The following LRRFIP1 variants were observed in gnomAD, a reference collection of about 807,000 sequenced individuals.
LRRFIP1 encodes leucine-rich repeat flightless-interacting protein 1.
A neutral mutation model predicts 104.4 loss-of-function variants in LRRFIP1; 62 were observed. The ratio of observed to expected loss-of-function variants is 0.59; its 90% CI spans 0.48 to 0.73. The LOEUF is 0.73. Ranked by LOEUF, LRRFIP1 falls within the 30% of genes least tolerant of loss-of-function variation. The pLI, the probability that LRRFIP1 is intolerant of heterozygous loss-of-function variation, is 0.00. For missense variants in LRRFIP1, 796 were observed against 824.5 expected (o/e 0.97, Z 0.42); for synonymous variants, 300 against 299.0 (o/e 1.00, Z -0.03).
chr2:237,774,333 A>T, intron 22 of LRRFIP1, 25 bp from the exon 23 acceptor site: 6 of 1,394,102 alleles, frequency 4.3e-6, no homozygotes, highest in Non-Finnish European at 6.1e-6. Flanking sequence ...CAATTTATAC[A>T]TATGGTTTTT....
chr2:237,740,219 A>G (rs2095372398), intron 11 of LRRFIP1, among the ~76,000 whole-genome samples: 1 of 151,706 alleles, frequency 6.6e-6, no homozygotes, highest in African/African-American at 2.4e-5. Context: ...CAGTTTGGCC[A>G]ACATAGCAAG....
intron 7 of LRRFIP1, among the ~76,000 whole-genome samples, chr2:237,727,346 ACT>A (rs1367825967): frequency 7.0e-6 from 1 of 142,350 alleles, no homozygotes; most frequent in Non-Finnish European, 1.5e-5. Context: ...ACAGAGCGAG[ACT>A]CTGTCTCAAA....
At chr2:237,764,235 TAG>T in intron 19 of LRRFIP1, 3 of 1,610,718 alleles carry the variant, frequency 1.9e-6, no homozygotes, top group East Asian at 2.2e-5. Context: ...TCTAAATTCA[TAG>T]AGAGGCACTG....
chr2:237,738,155 G>T (rs906025817), intron 10 of LRRFIP1, among the ~76,000 whole-genome samples: 1 of 152,016 alleles, frequency 6.6e-6, no homozygotes. Context: ...ATCTGGATGA[G>T]ATCATGAGCA....
chr2:237,714,168 A>G, intron 2 of LRRFIP1, 91 bp from the exon 3 acceptor site: 2 of 817,854 alleles, frequency 2.4e-6, no homozygotes, highest in South Asian at 1.7e-5. Flanking sequence ...CTTGATTCAT[A>G]TGTCTAGTTA....
chr2:237,697,122 A>G (rs1423148295), intron 1 of LRRFIP1, among the ~76,000 whole-genome samples: 1 of 152,098 alleles, frequency 6.6e-6, no homozygotes, highest in Non-Finnish European at 1.5e-5. Flanking sequence ...CCCAGGTGCA[A>G]CCGATTCTCC....
In LRRFIP1 at chr2:237,720,809, G is replaced by C; in HGVS notation, c.332G>C (p.Arg111Pro). 1 of 1,614,052 alleles carries C rather than the reference G, an allele frequency of 6.2e-7. No homozygotes were observed. The highest frequency in any genetic ancestry group is 8.5e-7 in the Non-Finnish European group (1 of 1,179,900). The change falls in exon 6 of 24, where the codon CGT becomes CCT. Residue 111 changes from arginine (R) to proline (P), a missense_variant. Transcript: ENST00000308482. ...GACGAGCGCATGTCAGTGGGTAGTC[G>C]TGGAAGCCTGAGGGTCAGTAACCAG... ...DEDERMSVGS[R>P]GSLRSQPDLE...
chr2:237,750,234 A>G (rs2058409367), intron 13 of LRRFIP1, among the ~76,000 whole-genome samples: 1 of 151,982 alleles, frequency 6.6e-6, no homozygotes, highest in African/African-American at 2.4e-5. Context: ...TTACAAAACC[A>G]GAAGAGCCAT....
intron 19 of LRRFIP1, chr2:237,769,704 G>T (rs1158863241): frequency 6.0e-6 from 3 of 501,082 alleles, no homozygotes; most frequent in Non-Finnish European, 7.2e-6. Flanking sequence ...TTAGCAGCCT[G>T]TTTGCATGCA....
intron 16 of LRRFIP1, among the ~76,000 whole-genome samples, 173 bp from the exon 17 acceptor site, chr2:237,757,283 C>T (rs1002708086): frequency 2.6e-5 from 4 of 152,086 alleles, no homozygotes; most frequent in Non-Finnish European, 5.9e-5. Flanking sequence ...TTCTTGAAGC[C>T]GGAAGTAGGA....
At position 237,717,134 on chromosome 2, in the gene LRRFIP1, C is replaced by T. The variant is rs752569764; in HGVS notation, c.202-628C>T. On this transcript the variant is annotated intron_variant, in intron 3 of 23. Coordinates refer to ENST00000308482, the MANE Select transcript of LRRFIP1 (RefSeq NM_001137550.2). The surrounding 1 kb of genome is among the most constrained non-coding windows in gnomAD (Gnocchi z 4.2). ...ATTGGACACCCCTGAGCTAATGTCA[C>T]CTCCAGACATACATAACTTGTGGGT... 6.6e-6 allele frequency among the ~76,000 whole-genome samples: 1 copy of T among 152,172 alleles called. No individual in the cohort carries two copies. The highest frequency in any genetic ancestry group is 2.4e-5 in the African/African-American group (1 of 41,428).
intron 19 of LRRFIP1, chr2:237,762,480 C>T: frequency 1.3e-6 from 1 of 789,122 alleles, no homozygotes; most frequent in Non-Finnish European, 2.0e-6. Flanking sequence ...TCTCATGACT[C>T]TTTGATGACT....
chr2:237,734,102 T>C (rs1216909690), intron 9 of LRRFIP1, among the ~76,000 whole-genome samples: 1 of 152,210 alleles, frequency 6.6e-6, no homozygotes, highest in Non-Finnish European at 1.5e-5. Context: ...AATGTTTACT[T>C]TACCTATTGG....
rs1473469338 is a variant in LRRFIP1, at chr2:237,781,142, A to G, written c.*1610A>G. Among the ~76,000 whole-genome samples the G allele has an allele frequency of 6.6e-6, 1 of 152,230 alleles. No homozygotes were observed. Among genetic ancestry groups the G allele is most frequent in the African/African-American group, 2.4e-5 (1 of 41,468 alleles). On this transcript the variant is annotated 3_prime_UTR_variant, in exon 24 of 24. Transcript: ENST00000308482. ...ATATTCAGTTCCTTGTCTCATCCTT[A>G]AGGTTTCTTCCACAACATCTGAATA...
At chr2:237,645,483 C>A (rs2084745702) in intron 1 of LRRFIP1, among the ~76,000 whole-genome samples, 1 of 152,010 alleles carries the variant, frequency 6.6e-6, no homozygotes, top group Non-Finnish European at 1.5e-5. Flanking sequence ...TCTCCTCCGA[C>A]TTGCCACCGC....
At chr2:237,702,165 T>C (rs1426852649) in intron 1 of LRRFIP1, among the ~76,000 whole-genome samples, 1 of 152,224 alleles carries the variant, frequency 6.6e-6, no homozygotes, top group African/African-American at 2.4e-5. Context: ...TTAGATCTCT[T>C]ATCACCGTAC....
chr2:237,664,565 T>G (rs1251300520), intron 1 of LRRFIP1, among the ~76,000 whole-genome samples: 1 of 152,276 alleles, frequency 6.6e-6, no homozygotes, highest in African/African-American at 2.4e-5. Flanking sequence ...TGGACTTTTT[T>G]TGAAGTGCAA....
chr2:237,749,094 C>T lies in LRRFIP1; in HGVS notation c.670-105C>T, dbSNP rs1251576804. ...GTGATCCAGTCTCCTCCCACCAGGG[C>T]CGTCCCTCATCTTGTGGGGATTATG... On this transcript the variant is annotated intron_variant, in intron 12 of 23. Coordinates refer to ENST00000308482, the MANE Select transcript of LRRFIP1 (RefSeq NM_001137550.2). The T allele has an allele frequency of 2.5e-6, 3 of 1,221,200 alleles. No homozygotes were observed. The Admixed American group carries it at 7.5e-5, about 31-fold the overall frequency. 75.6% of individuals were successfully genotyped at this position (1,221,200 alleles called of 1,614,324 possible).
chr2:237,697,742 T>C (rs1040685310), intron 1 of LRRFIP1, among the ~76,000 whole-genome samples: 6 of 151,838 alleles, frequency 4.0e-5, no homozygotes, highest in Non-Finnish European at 8.8e-5. Flanking sequence ...GTGAAGGGAG[T>C]GGAGCCCAGA....
Sources: gnomAD v4.1 joint callset for allele counts (sites outside exome capture counted in the v4.1 genomes callset) on GRCh38, gnomAD v4.1.1 for gene constraint, Gnocchi (gnomAD v3.1) non-coding constraint, MANE v1.5 for transcripts, NCBI Gene and HGNC (gene_info 2026-07-23, HGNC 2026-07-21) for gene names.